The following ABHD12 variants were observed in gnomAD, a reference collection of about 807,000 sequenced individuals.
ABHD12 encodes the protein abhydrolase domain containing 12, lysophospholipase.
A neutral mutation model predicts 58.3 loss-of-function variants in ABHD12; 43 were observed. That is an observed-to-expected ratio of 0.74 (90% CI 0.58 to 0.95). The LOEUF (loss-of-function observed/expected upper bound fraction) is 0.95, where lower values mean the gene tolerates loss of function less well. ABHD12 is among the 40% of genes least tolerant of loss of function. The probability of loss-of-function intolerance (pLI) is 0.00; values close to 1 mark genes in which losing one functional copy is unlikely to be tolerated. For missense variants in ABHD12, 539 were observed against 537.2 expected (o/e 1.00, Z -0.03); for synonymous variants, 219 against 211.2 (o/e 1.04, Z -0.32).
downstream of ABHD12, among the ~76,000 whole-genome samples, chr20:25,299,344 G>A (rs1451020792): frequency 6.6e-6 from 1 of 152,146 alleles, no homozygotes; most frequent in African/African-American, 2.4e-5. Flanking sequence ...AAGTTGCTGT[G>A]AGCTATGATT....
chr20:25,378,669 G>C (rs914347462), intron 1 of ABHD12, among the ~76,000 whole-genome samples: 2 of 150,358 alleles, frequency 1.3e-5, no homozygotes, highest in African/African-American at 4.9e-5. Flanking sequence ...GACTCCACCA[G>C]CCTGATAAGA....
At chr20:25,367,343 T>TG (rs1452459985) in intron 1 of ABHD12, among the ~76,000 whole-genome samples, 1 of 152,084 alleles carries the variant, frequency 6.6e-6, no homozygotes, top group East Asian at 1.9e-4. Context: ...AAAGGGGAAA[T>TG]GGGGGGCAGA....
At chr20:25,334,228 T>A (rs6076335) in intron 2 of ABHD12, among the ~76,000 whole-genome samples, 2 of 150,476 alleles carry the variant, frequency 1.3e-5, no homozygotes, top group African/African-American at 2.5e-5. Flanking sequence ...AATAAAATAC[T>A]TAGGAATCCA....
downstream of ABHD12, chr20:25,296,220 G>C (rs898502868): frequency 2.0e-6 from 2 of 976,398 alleles, no homozygotes; most frequent in Non-Finnish European, 3.1e-6. Flanking sequence ...CCTTTTCAAC[G>C]AACAAGTGAT....
rs148366449 is a variant in ABHD12 at position 25,371,680 on chromosome 20, T to C, written c.191+18833A>G. Reference sequence around the variant, plus strand: ...GGTTCAATCATTATACAAAGTTAGCTTCATGCCAGTTCTCTACATTTATTT... The same window carrying C: ...GGTTCAATCATTATACAAAGTTAGCCTCATGCCAGTTCTCTACATTTATTT... On this transcript the variant is annotated intron_variant, in intron 1 of 12. Coordinates refer to ENST00000339157, the MANE Select transcript of ABHD12 (RefSeq NM_001042472.3). 7.7e-4 allele frequency among the ~76,000 whole-genome samples: 117 copies of C among 152,322 alleles called. 1 individual carries two copies. The highest frequency in any genetic ancestry group is 2.7e-3 in the African/African-American group (114 of 41,568).
exon 13 of ABHD12, chr20:25,294,949 G>A: frequency 1.2e-6 from 2 of 1,613,912 alleles, no homozygotes; most frequent in Non-Finnish European, 1.7e-6. Context: ...GCTCTTCGAT[G>A]ACCGTGTCAC....
chr20:25,360,479 T>C (rs891424588), intron 1 of ABHD12, among the ~76,000 whole-genome samples: 1 of 152,034 alleles, frequency 6.6e-6, no homozygotes, highest in African/African-American at 2.4e-5. Flanking sequence ...GACCTCGTGA[T>C]CTACCCGCCT....
At chr20:25,296,484 G>A (rs769156651), downstream of ABHD12, 24 of 1,613,664 alleles carry the variant, frequency 1.5e-5, no homozygotes, top group Non-Finnish European at 1.9e-5. Context: ...GGAGCCCTCC[G>A]ACCTGCAGAT....
At chr20:25,372,061 G>A (rs1358962969) in intron 1 of ABHD12, among the ~76,000 whole-genome samples, 3 of 152,020 alleles carry the variant, frequency 2.0e-5, no homozygotes, top group African/African-American at 7.3e-5. Flanking sequence ...GAGTGCAGTG[G>A]CATGCTCATA....
At position 25,380,782 on chromosome 20, in the gene ABHD12, G is replaced by A. The variant is rs188654599; in HGVS notation, c.191+9731C>T. On this transcript the variant is annotated intron_variant, in intron 1 of 12. Coordinates refer to ENST00000339157, the MANE Select transcript of ABHD12 (RefSeq NM_001042472.3). ...GGGAGAGTCTGCTGCAAGGGTCTAG[G>A]TACCACCTGTCACAGCCATGGTCAG... is the stretch of plus-strand genomic sequence containing the variant. Among the ~76,000 whole-genome samples the A allele has an allele frequency of 2.6e-5, 4 of 152,096 alleles. No individual in the cohort carries two copies. In the East Asian group the frequency reaches 7.7e-4, roughly 29 times the overall value.
chr20:25,324,007 G>A (rs1442765636), intron 2 of ABHD12, among the ~76,000 whole-genome samples: 5 of 152,192 alleles, frequency 3.3e-5, no homozygotes, highest in South Asian at 4.1e-4. Context: ...GGTGAGGTGT[G>A]GGGCAGCGAG....
chr20:25,314,808 G>C, intron 6 of ABHD12, 117 bp downstream of exon 6: 1 of 1,158,692 alleles, frequency 8.6e-7, no homozygotes, highest in East Asian at 2.3e-5. Context: ...CACCATCACA[G>C]CACAGGCAAA....
intron 2 of ABHD12, among the ~76,000 whole-genome samples, chr20:25,327,453 C>G (rs1024686780): frequency 2.8e-5 from 4 of 142,800 alleles, no homozygotes; most frequent in African/African-American, 1.1e-4. Context: ...GGCGACAGAA[C>G]AAGACTCCGT....
chr20:25,322,381 A>ATATATATATATATATATATATATATATTT, intron 3 of ABHD12, among the ~76,000 whole-genome samples: 2 of 59,268 alleles, frequency 3.4e-5, no homozygotes, highest in African/African-American at 8.3e-5. Flanking sequence ...ATATATATAT[A>ATATATATATATATATATATATATATATTT]TTTTTTTTTT....
chr20:25,294,867 T>TTC, exon 13 of ABHD12: 1 of 1,321,532 alleles, frequency 7.6e-7, no homozygotes, highest in Non-Finnish European at 1.1e-6. Context: ...AAAAGTTGAA[T>TTC]CCGGCGAGGG....
intron 1 of ABHD12, among the ~76,000 whole-genome samples, chr20:25,370,564 T>G (rs1381047778): frequency 6.6e-6 from 1 of 152,160 alleles, no homozygotes; most frequent in Non-Finnish European, 1.5e-5. Context: ...ATAGTCAGGA[T>G]GTATAAGAGA....
chr20:25,388,150 GAA>G (rs1430274047), intron 1 of ABHD12, among the ~76,000 whole-genome samples: 1 of 4,276 alleles, frequency 2.3e-4, no homozygotes, highest in Admixed American at 2.3e-3. Context: ...ATGGACACAT[GAA>G]GAAGGCTCAT....
At chr20:25,332,068 G>A (rs945554341) in intron 2 of ABHD12, among the ~76,000 whole-genome samples, 5 of 152,024 alleles carry the variant, frequency 3.3e-5, no homozygotes, top group African/African-American at 1.2e-4. Context: ...CCCATCTCAC[G>A]TGCAGAGACA....
downstream of ABHD12, among the ~76,000 whole-genome samples, chr20:25,295,960 G>A (rs1600749051): frequency 6.6e-6 from 1 of 152,306 alleles, no homozygotes; most frequent in Admixed American, 6.5e-5. Flanking sequence ...CCTCAGTCAG[G>A]GCTGGCCTCG....
Sources: gnomAD v4.1 joint callset for allele counts (sites outside exome capture counted in the v4.1 genomes callset) on GRCh38, gnomAD v4.1.1 for gene constraint, MANE v1.5 for transcripts, NCBI Gene and HGNC (gene_info 2026-07-23, HGNC 2026-07-21) for gene names.